The following SH3D19 variants were observed in gnomAD, a reference collection of about 807,000 sequenced individuals.
SH3D19 encodes the protein SH3 domain containing 19.
Under a neutral mutation model 112.1 loss-of-function variants are expected in SH3D19, and 58 were observed. The ratio of observed to expected loss-of-function variants is 0.52; its 90% CI spans 0.42 to 0.64. The LOEUF is 0.64. Ranked by LOEUF, SH3D19 falls within the 30% of genes least tolerant of loss-of-function variation. The probability of loss-of-function intolerance (pLI) is 0.00; values close to 1 mark genes in which losing one functional copy is unlikely to be tolerated. For synonymous variants in SH3D19, 391 were observed against 448.5 expected, an observed-to-expected ratio of 0.87 and a Z score of 1.62; for missense variants, 1,090 against 1,263.4, an observed-to-expected ratio of 0.86 and a Z score of 2.08.
chr4:151,236,006 C>G (rs1354384381), intron 1 of SH3D19, among the ~76,000 whole-genome samples: 1 of 152,258 alleles, frequency 6.6e-6, no homozygotes. Flanking sequence ...GGGCCAGGCA[C>G]AGGCTCCAAG....
chr4:151,239,523 A>G (rs1476258433), intron 1 of SH3D19, among the ~76,000 whole-genome samples: 2 of 152,250 alleles, frequency 1.3e-5, no homozygotes, highest in Non-Finnish European at 2.9e-5. Flanking sequence ...GTGCTACTTC[A>G]GAATTGCAGA....
chr4:151,200,796 A>G (rs1204765224), intron 2 of SH3D19, among the ~76,000 whole-genome samples: 1 of 152,278 alleles, frequency 6.6e-6, no homozygotes, highest in Non-Finnish European at 1.5e-5. Context: ...GAGGTTGCTC[A>G]TGCAATTGAC....
intron 1 of SH3D19, among the ~76,000 whole-genome samples, chr4:151,233,837 G>A (rs1367242747): frequency 6.6e-6 from 1 of 152,158 alleles, no homozygotes; most frequent in African/African-American, 2.4e-5. Flanking sequence ...AAGGTTTTGA[G>A]CATGTGTCTG....
chr4:151,120,463 C>T lies in SH3D19; in HGVS notation c.*1628G>A, dbSNP rs778196139. On this transcript the variant is annotated 3_prime_UTR_variant, in exon 20 of 20. Transcript: ENST00000604030. ...AGGCAAAGATATATACCTCATGTTC[C>T]ATTCCATATCCTTCCTGCTGTTGTA... The T allele has an allele frequency of 9.2e-5, 14 of 152,378 alleles. No individual in the cohort carries two copies. The highest frequency in any genetic ancestry group is 1.6e-4 in the Non-Finnish European group (11 of 68,014). The allele number at this position is 152,378 out of a possible 1,614,324, so 9.4% of individuals were successfully genotyped here. A position where few individuals can be genotyped will look rare whatever the true frequency, so the allele number is the denominator to read the frequency against.
At chr4:151,166,488 A>G (rs1300868624) in intron 7 of SH3D19, among the ~76,000 whole-genome samples, 1 of 149,544 alleles carries the variant, frequency 6.7e-6, no homozygotes, top group African/African-American at 2.5e-5. Context: ...TGGAAAAATG[A>G]CTATACTTTT....
At chr4:151,149,824 G>A (rs1158298097) in intron 9 of SH3D19, among the ~76,000 whole-genome samples, 1 of 152,124 alleles carries the variant, frequency 6.6e-6, no homozygotes, top group Non-Finnish European at 1.5e-5. Context: ...GCACTGCATG[G>A]TCATGCACTC....
At chr4:151,214,446 TG>T in intron 2 of SH3D19, among the ~76,000 whole-genome samples, 1 of 17,208 alleles carries the variant, frequency 5.8e-5, no homozygotes, top group South Asian at 1.3e-3. Flanking sequence ...ACGAGGCTGC[TG>T]GCCGGGCGGG....
intron 1 of SH3D19, among the ~76,000 whole-genome samples, chr4:151,316,202 A>G (rs976412321): frequency 1.5e-4 from 23 of 152,286 alleles, no homozygotes; most frequent in African/African-American, 5.5e-4. Flanking sequence ...TGATCATGAG[A>G]AAAACATCAG....
At chr4:151,161,536 A>T (rs1185573213) in intron 8 of SH3D19, among the ~76,000 whole-genome samples, 1 of 151,836 alleles carries the variant, frequency 6.6e-6, no homozygotes. Context: ...GAGCTTAATG[A>T]TGAATTAAAA....
intron 2 of SH3D19, among the ~76,000 whole-genome samples, chr4:151,194,743 TC>T (rs1763153857): frequency 1.5e-5 from 1 of 66,426 alleles, no homozygotes; most frequent in Non-Finnish European, 7.1e-5. Context: ...GCTGATGATT[TC>T]TTCATTTTTC....
At chr4:151,237,517 AGG>A (rs1770213888) in intron 1 of SH3D19, among the ~76,000 whole-genome samples, 1 of 120,462 alleles carries the variant, frequency 8.3e-6, no homozygotes, top group Admixed American at 9.5e-5. Context: ...CAGGAACTCT[AGG>A]TCAGACAGGC....
At chr4:151,180,695 T>C (rs1006224747) in intron 3 of SH3D19, among the ~76,000 whole-genome samples, 50 of 147,876 alleles carry the variant, frequency 3.4e-4, no homozygotes, top group African/African-American at 8.7e-4. Context: ...TGTGAGCCAC[T>C]GCGCCCGACA....
intron 9 of SH3D19, among the ~76,000 whole-genome samples, chr4:151,150,184 CAAA>C (rs759365990): frequency 4.2e-4 from 3 of 7,188 alleles, no homozygotes; most frequent in African/African-American, 4.8e-4. Context: ...GACTCCATCT[CAAA>C]AAAAAAAAAA....
intron 1 of SH3D19, among the ~76,000 whole-genome samples, chr4:151,236,954 A>G (rs921231668): frequency 1.3e-5 from 2 of 152,234 alleles, no homozygotes; most frequent in African/African-American, 4.8e-5. Context: ...GTGGGGCCAG[A>G]TAAGGGAATA....
chr4:151,277,811 C>A (rs1214154233), intron 1 of SH3D19, among the ~76,000 whole-genome samples: 2 of 152,212 alleles, frequency 1.3e-5, no homozygotes, highest in Admixed American at 6.5e-5. Flanking sequence ...GATGCCAAGG[C>A]GGGCAGATCA....
chr4:151,303,947 T>G (rs1561447082), intron 1 of SH3D19, among the ~76,000 whole-genome samples: 1 of 151,930 alleles, frequency 6.6e-6, no homozygotes, highest in Non-Finnish European at 1.5e-5. Context: ...TCTCTCATTT[T>G]TTTTTTTAAA....
At chr4:151,218,126 C>G (rs1027488733) in intron 2 of SH3D19, among the ~76,000 whole-genome samples, 1 of 152,048 alleles carries the variant, frequency 6.6e-6, no homozygotes, top group Admixed American at 6.6e-5. Context: ...CATGTTTTCA[C>G]GTGTTAGTTG....
intron 1 of SH3D19, among the ~76,000 whole-genome samples, chr4:151,310,850 G>C (rs1729384674): frequency 6.6e-6 from 1 of 151,510 alleles, no homozygotes; most frequent in East Asian, 2.0e-4. Context: ...TGGGATTACA[G>C]GTATGATTCA....
chr4:151,195,030 G>A (rs573417807), intron 2 of SH3D19, among the ~76,000 whole-genome samples: 35 of 147,020 alleles, frequency 2.4e-4, no homozygotes, highest in Admixed American at 4.9e-4. Flanking sequence ...AGCCAAGATC[G>A]TGCACTGCAC....
Sources: allele counts gnomAD v4.1 joint callset (sites outside exome capture counted in the v4.1 genomes callset), GRCh38; gene constraint gnomAD v4.1.1; transcripts MANE v1.5; gene names NCBI Gene and HGNC (gene_info 2026-07-23, HGNC 2026-07-21).